NUBPL: variants seen among roughly 807,000 people sequenced by gnomAD.
NUBPL encodes the protein NUBP iron-sulfur cluster assembly factor, mitochondrial.
NUBPL carries 31 observed loss-of-function variants against 45.7 expected under a neutral mutation model. The observed-to-expected ratio is 0.68, with a 90% CI of 0.51 to 0.92. The LOEUF (loss-of-function observed/expected upper bound fraction) is 0.92, where lower values mean the gene tolerates loss of function less well. Ranked by LOEUF, NUBPL falls within the 40% of genes least tolerant of loss-of-function variation. The pLI, the probability that NUBPL is intolerant of heterozygous loss-of-function variation, is 0.00. For synonymous variants in NUBPL, 144 were observed against 140.9 expected, an observed-to-expected ratio of 1.02 and a Z score of -0.15; for missense variants, 401 against 398.7, an observed-to-expected ratio of 1.01 and a Z score of -0.05.
intron 4 of NUBPL, among the ~76,000 whole-genome samples, chr14:31,660,117 C>T (rs2036233138): frequency 6.6e-6 from 1 of 152,098 alleles, no homozygotes; most frequent in Non-Finnish European, 1.5e-5. Flanking sequence ...TTTTCTGCTT[C>T]CTCCCTCATT....
At chr14:31,577,962 C>T (rs920357277) in intron 3 of NUBPL, 5 of 1,289,100 alleles carry the variant, frequency 3.9e-6, no homozygotes, top group South Asian at 2.5e-5. Flanking sequence ...TTCACAAGGT[C>T]GGGGACTGCG....
intron 6 of NUBPL, among the ~76,000 whole-genome samples, chr14:31,724,180 A>G (rs1439901389): frequency 6.6e-6 from 1 of 152,158 alleles, no homozygotes; most frequent in Non-Finnish European, 1.5e-5. Flanking sequence ...TCAATTGTTC[A>G]TGGCTAGTGT....
chr14:31,695,552 C>T (rs1160277810), intron 6 of NUBPL, among the ~76,000 whole-genome samples: 4 of 151,996 alleles, frequency 2.6e-5, no homozygotes, highest in African/African-American at 9.7e-5. Flanking sequence ...TCGTGAAGGG[C>T]TGAGTCCTCA....
intron 4 of NUBPL, among the ~76,000 whole-genome samples, chr14:31,666,172 A>G (rs1417241046): frequency 1.4e-5 from 2 of 143,254 alleles, no homozygotes; most frequent in Non-Finnish European, 3.0e-5. Context: ...TTGACTCTTT[A>G]TCCAATTTGC....
chr14:31,570,424 G>C (rs2033551732), intron 3 of NUBPL, among the ~76,000 whole-genome samples: 2 of 152,166 alleles, frequency 1.3e-5, no homozygotes, highest in Admixed American at 1.3e-4. Flanking sequence ...GATATATTCA[G>C]TGTCAAATAT....
In NUBPL at chr14:31,565,039, G is replaced by A. The variant is rs370967632; in HGVS notation, c.282G>A (p.Ala94=). ...TGAATCTTGCACTTGCACTAGCAGC[G>A]AACGATTCGGTAGGTGTTTATTAAT... The part of the protein sequence containing the change: ...TAVNLALALA[A]NDSSKAIGLL... Residue 94 remains alanine, a synonymous_variant, in exon 3 of 11, where the codon GCG becomes GCA. Coordinates refer to ENST00000281081, the MANE Select transcript of NUBPL (RefSeq NM_025152.3). The A allele has an allele frequency of 1.8e-5, 28 of 1,548,666 alleles. No individual in the cohort carries two copies. The highest frequency in any genetic ancestry group is 1.7e-4 in the Middle Eastern group (1 of 5,752).
chr14:31,712,428 G>A (rs1205140070), intron 6 of NUBPL, among the ~76,000 whole-genome samples: 1 of 152,228 alleles, frequency 6.6e-6, no homozygotes, highest in Non-Finnish European at 1.5e-5. Flanking sequence ...GTTGCGCCCA[G>A]TGCGGGGCCT....
chr14:31,820,290 A>G (rs2039995434), intron 7 of NUBPL, among the ~76,000 whole-genome samples: 1 of 152,184 alleles, frequency 6.6e-6, no homozygotes, highest in South Asian at 2.1e-4. Context: ...CAGTCAGTAG[A>G]GAGAGCACAA....
chr14:31,695,197 A>G (rs933345372), intron 6 of NUBPL, among the ~76,000 whole-genome samples: 36 of 152,226 alleles, frequency 2.4e-4, no homozygotes, highest in African/African-American at 8.0e-4. Flanking sequence ...AGAAGGAGTT[A>G]GAAACAGCCT....
At chr14:31,802,438 G>C (rs902104567) in intron 7 of NUBPL, among the ~76,000 whole-genome samples, 1 of 152,028 alleles carries the variant, frequency 6.6e-6, no homozygotes, top group Non-Finnish European at 1.5e-5. Context: ...ACCATGCCTG[G>C]CTAATTTTTT....
chr14:31,647,983 AG>A (rs1357153213), intron 4 of NUBPL, among the ~76,000 whole-genome samples: 18 of 152,364 alleles, frequency 1.2e-4, no homozygotes, highest in African/African-American at 4.3e-4. Flanking sequence ...TAATAAATAA[AG>A]GTGGACACAA....
At chr14:31,710,708 G>T (rs2037552478) in intron 6 of NUBPL, among the ~76,000 whole-genome samples, 1 of 152,180 alleles carries the variant, frequency 6.6e-6, no homozygotes. Flanking sequence ...GGAGGGAAGG[G>T]ATCTCCAGGG....
In NUBPL at chr14:31,673,121, A is replaced by G. The variant is rs370562963; in HGVS notation, c.383-234A>G. Among the ~76,000 whole-genome samples, 81 of 152,326 alleles carry G rather than the reference A, an allele frequency of 5.3e-4. No individual in the cohort carries two copies. The East Asian group carries it at 0.014, about 25-fold the overall frequency. ...TAGACTTTAAATGTTTTTACTGCAA[A>G]GAAAGAATATGTGAGGTGATGTGGA... On this transcript the variant is annotated intron_variant, in intron 4 of 10. Coordinates refer to ENST00000281081, the MANE Select transcript of NUBPL (RefSeq NM_025152.3).
At chr14:31,729,285 C>A (rs1405055164) in intron 6 of NUBPL, among the ~76,000 whole-genome samples, 1 of 143,948 alleles carries the variant, frequency 6.9e-6, no homozygotes, top group African/African-American at 2.6e-5. Context: ...TCCCCCCCCC[C>A]CCCAAAAAAA....
At chr14:31,736,193 G>A (rs537623493) in intron 6 of NUBPL, among the ~76,000 whole-genome samples, 3 of 152,104 alleles carry the variant, frequency 2.0e-5, no homozygotes, top group South Asian at 4.2e-4. Flanking sequence ...AGGATTAGGC[G>A]ACCTCCAAAG....
chr14:31,739,149 G>C (rs899708818), intron 6 of NUBPL, among the ~76,000 whole-genome samples: 10 of 138,616 alleles, frequency 7.2e-5, no homozygotes, highest in Non-Finnish European at 1.2e-4. Context: ...GAGTAGCTGG[G>C]ATTACAGATG....
chr14:31,739,725 G>A lies in NUBPL; in HGVS notation c.514-48055G>A, dbSNP rs372424011. 3.3e-5 allele frequency among the ~76,000 whole-genome samples: 5 copies of A among 152,042 alleles called. No homozygotes were observed. In the East Asian group the frequency reaches 5.8e-4, roughly 18 times the overall value. On this transcript the variant is annotated intron_variant, in intron 6 of 10. Transcript: ENST00000281081. ...ACTCTTGGTGCTGTACATTTTATAG[G>A]TTTTGACAATATATAATGACATATA...
intron 8 of NUBPL, among the ~76,000 whole-genome samples, chr14:31,841,933 T>TTTG (rs2138979384): frequency 8.0e-6 from 1 of 124,414 alleles, no homozygotes; most frequent in South Asian, 2.9e-4. Context: ...TTTTTTTTTT[T>TTTG]TTTTTTTTTT....
chr14:31,752,781 A>G (rs1386406231), intron 6 of NUBPL, among the ~76,000 whole-genome samples: 1 of 152,212 alleles, frequency 6.6e-6, no homozygotes, highest in Non-Finnish European at 1.5e-5. Context: ...TCATACTGCT[A>G]AAAAGAACTA....
Sources: gnomAD v4.1 joint callset for allele counts (sites outside exome capture counted in the v4.1 genomes callset) on GRCh38, gnomAD v4.1.1 for gene constraint, MANE v1.5 for transcripts, NCBI Gene and HGNC (gene_info 2026-07-23, HGNC 2026-07-21) for gene names.